The following HIVEP3 variants were observed in gnomAD, a reference collection of about 807,000 sequenced individuals.
The protein encoded by HIVEP3 is HIVEP zinc finger 3.
Under a neutral mutation model 152.8 loss-of-function variants are expected in HIVEP3, and 49 were observed. That is an observed-to-expected ratio of 0.32 (90% CI 0.26 to 0.41). HIVEP3 has a LOEUF of 0.41. Ranked by LOEUF, HIVEP3 falls within the 10% of genes least tolerant of loss-of-function variation. HIVEP3 has a pLI of 1.00. For synonymous variants in HIVEP3, 1,269 were observed against 1,289.0 expected (o/e 0.98, Z 0.33); for missense variants, 2,790 against 3,103.3 (o/e 0.90, Z 2.40).
At chr1:41,758,439 G>C (rs1286706540) in intron 1 of HIVEP3, among the ~76,000 whole-genome samples, 1 of 152,228 alleles carries the variant, frequency 6.6e-6, no homozygotes, top group South Asian at 2.1e-4. Flanking sequence ...CCTATCTTAT[G>C]CACAGCCTTC....
intron 1 of HIVEP3, among the ~76,000 whole-genome samples, chr1:42,001,807 G>A (rs1007267241): frequency 2.6e-5 from 4 of 152,120 alleles, no homozygotes; most frequent in African/African-American, 9.7e-5. Context: ...AACAGTCACT[G>A]CCTAAGTCTC....
chr1:41,606,718 C>T (rs1263026375), intron 3 of HIVEP3, among the ~76,000 whole-genome samples: 1 of 151,844 alleles, frequency 6.6e-6, no homozygotes, highest in Non-Finnish European at 1.5e-5. Flanking sequence ...CTGAATCTTA[C>T]ACATTTAAAA....
rs113392132 is a variant in HIVEP3, at chr1:41,977,150, T to C, written n.120-58626A>G. ...ATGAGTTGGGGCCTATGGAGTGTGT[T>C]ATAACAGCGTGAGTGGACTAAGGTG... On this transcript the variant is annotated intron_variant and non_coding_transcript_variant, in intron 1 of 3. Coordinates refer to the HIVEP3 transcript ENST00000489103. Among the ~76,000 whole-genome samples the C allele has an allele frequency of 5.0e-3, 756 of 152,092 alleles. 8 individuals carry two copies. Among genetic ancestry groups the C allele is most frequent in the African/African-American group, 0.018 (735 of 41,478 alleles).
At chr1:41,760,375 T>G (rs1647591563) in intron 1 of HIVEP3, among the ~76,000 whole-genome samples, 1 of 152,134 alleles carries the variant, frequency 6.6e-6, no homozygotes, top group African/African-American at 2.4e-5. Context: ...TGCCCTCCCT[T>G]TCTCAACTTC....
At chr1:41,696,666 A>AG (rs1646281707) in intron 2 of HIVEP3, among the ~76,000 whole-genome samples, 1 of 152,194 alleles carries the variant, frequency 6.6e-6, no homozygotes, top group Non-Finnish European at 1.5e-5. Context: ...CCTCCCAAGC[A>AG]CAGAGACAGA....
intron 3 of HIVEP3, among the ~76,000 whole-genome samples, chr1:41,623,076 C>A (rs1350022122): frequency 5.9e-5 from 9 of 152,182 alleles, no homozygotes; most frequent in Non-Finnish European, 1.0e-4. Context: ...TGAGCTGGGG[C>A]CCTCAGTGCC....
chr1:41,708,757 C>CA (rs1458856039), intron 1 of HIVEP3, among the ~76,000 whole-genome samples: 1 of 152,206 alleles, frequency 6.6e-6, no homozygotes, highest in Non-Finnish European at 1.5e-5. Context: ...TCCTTTGGCA[C>CA]AAAAAGCTAT....
chr1:41,964,770 G>A (rs1215539511), intron 1 of HIVEP3, among the ~76,000 whole-genome samples: 1 of 152,220 alleles, frequency 6.6e-6, no homozygotes, highest in Non-Finnish European at 1.5e-5. Flanking sequence ...CCCTGGGACA[G>A]AGCCCCTGGG....
At chr1:41,986,009 T>C (rs1363011127) in intron 1 of HIVEP3, among the ~76,000 whole-genome samples, 1 of 152,198 alleles carries the variant, frequency 6.6e-6, no homozygotes, top group Non-Finnish European at 1.5e-5. Context: ...GTTAAGATCT[T>C]TATAGACTAG....
At position 41,977,600 on chromosome 1, in the gene HIVEP3, T is replaced by C. The variant is rs537413731; in HGVS notation, n.119+58207A>G. On this transcript the variant is annotated intron_variant and non_coding_transcript_variant, in intron 1 of 3. Coordinates refer to the HIVEP3 transcript ENST00000489103. ...GAAGAGGACTAGGAAGTTCAGAAAATGTCACTCATTCATCAGAACATCTGC... is the reference window on the plus strand; with the variant it reads ...GAAGAGGACTAGGAAGTTCAGAAAACGTCACTCATTCATCAGAACATCTGC... Among the ~76,000 whole-genome samples, 5 of 152,272 alleles carry C rather than the reference T, an allele frequency of 3.3e-5. No homozygotes were observed. In the South Asian group the frequency reaches 1.0e-3, roughly 32 times the overall value.
intron 1 of HIVEP3, among the ~76,000 whole-genome samples, chr1:41,951,037 G>C (rs1435522215): frequency 6.6e-6 from 1 of 152,152 alleles, no homozygotes; most frequent in African/African-American, 2.4e-5. Context: ...CAATCCCCTA[G>C]TTTCTGCTCC....
chr1:41,544,820 TACCACCACCATCACCACCACCACTACC>T (rs1643653995), intron 5 of HIVEP3, among the ~76,000 whole-genome samples: 1 of 24,532 alleles, frequency 4.1e-5, no homozygotes, highest in Non-Finnish European at 8.4e-5. Flanking sequence ...CTACCACCTC[TACCACCACCATCACCACCACCACTACC>T]ACCACCACCA....
intron 1 of HIVEP3, among the ~76,000 whole-genome samples, chr1:41,815,598 G>A (rs1007409267): frequency 2.6e-5 from 4 of 152,160 alleles, no homozygotes; most frequent in Non-Finnish European, 5.9e-5. Context: ...CAGTTCAAAG[G>A]GAAGCAGGGG....
chr1:41,762,484 G>A (rs1199195795), intron 1 of HIVEP3, among the ~76,000 whole-genome samples: 1 of 152,184 alleles, frequency 6.6e-6, no homozygotes, highest in Non-Finnish European at 1.5e-5. Flanking sequence ...TGGACTAAAG[G>A]AGCTGTTAGC....
intron 5 of HIVEP3, among the ~76,000 whole-genome samples, chr1:41,548,325 G>T (rs372967932): frequency 6.6e-6 from 1 of 152,200 alleles, no homozygotes; most frequent in East Asian, 1.9e-4. Context: ...GGGGCATTAA[G>T]TAACTTGCCC....
chr1:41,587,382 A>G (rs1644520158), intron 3 of HIVEP3, among the ~76,000 whole-genome samples: 1 of 152,214 alleles, frequency 6.6e-6, no homozygotes, highest in Non-Finnish European at 1.5e-5. Context: ...GACAAATCTC[A>G]TTTCATTAGA....
intron 3 of HIVEP3, among the ~76,000 whole-genome samples, chr1:41,604,786 C>T (rs1458877691): frequency 1.3e-5 from 2 of 152,002 alleles, no homozygotes; most frequent in Non-Finnish European, 2.9e-5. Flanking sequence ...AAAGGATAGG[C>T]GAAAAACCAA....
intron 2 of HIVEP3, among the ~76,000 whole-genome samples, chr1:41,683,411 C>T (rs1397784217): frequency 6.6e-6 from 1 of 152,238 alleles, no homozygotes; most frequent in Non-Finnish European, 1.5e-5. Flanking sequence ...GATGGGAACT[C>T]CTCTTAGCCA....
chr1:41,768,538 TA>T (rs939164919), intron 1 of HIVEP3, among the ~76,000 whole-genome samples: 1 of 152,244 alleles, frequency 6.6e-6, no homozygotes, highest in African/African-American at 2.4e-5. Context: ...TTTGTGGAAT[TA>T]TAAAAAGGTG....
Sources: allele counts gnomAD v4.1 joint callset (sites outside exome capture counted in the v4.1 genomes callset), GRCh38; gene constraint gnomAD v4.1.1; transcripts MANE v1.5; gene names NCBI Gene and HGNC (gene_info 2026-07-23, HGNC 2026-07-21).